JAKMIP3: variants seen among roughly 807,000 people sequenced by gnomAD.
JAKMIP3 encodes janus kinase and microtubule-interacting protein 3.
JAKMIP3 carries 58 observed loss-of-function variants against 118.5 expected under a neutral mutation model. That is an observed-to-expected ratio of 0.49 (90% confidence interval 0.40 to 0.61). The LOEUF is 0.61. Among genes scored for constraint, JAKMIP3 ranks in the 20% least tolerant of loss-of-function variants. The pLI is 0.00. For synonymous variants in JAKMIP3, 486 were observed against 451.2 expected, an observed-to-expected ratio of 1.08 and a Z score of -0.98; for missense variants, 950 against 1,109.0, an observed-to-expected ratio of 0.86 and a Z score of 2.04.
chr10:132,145,081 G>A (rs1416157944), intron 11 of JAKMIP3, 26 bp from the exon 12 acceptor site: 2 of 1,597,584 alleles, frequency 1.3e-6, no homozygotes, highest in Non-Finnish European at 1.7e-6. Flanking sequence ...GAGAAAATTT[G>A]ATGTATCTTT....
At chr10:132,072,346 A>T (rs1234726598) in intron 1 of JAKMIP3, among the ~76,000 whole-genome samples, 4 of 151,994 alleles carry the variant, frequency 2.6e-5, no homozygotes, top group Non-Finnish European at 5.9e-5. Context: ...GGAATTTGAG[A>T]CCAGCCTGGG....
At position 132,180,540 on chromosome 10, in the gene JAKMIP3, T is replaced by TGC. The variant is rs200994333; in HGVS notation, c.*1104-1816_*1104-1815insCG. 1.2e-3 allele frequency among the ~76,000 whole-genome samples: 38 copies of TGC among 32,696 alleles called. 8 individuals are homozygous for TGC. In the East Asian group the frequency reaches 0.022, roughly 19 times the overall value. The allele number at this position is 32,696 out of a possible 152,430, so 21.4% of individuals were successfully genotyped here. A position where few individuals can be genotyped will look rare whatever the true frequency, so the allele number is the denominator to read the frequency against. On this transcript the variant is annotated intron_variant, in intron 23 of 23. Coordinates refer to ENST00000684848, the MANE Select transcript of JAKMIP3 (RefSeq NM_001323087.2). ...AAGCAGAACTGTGTGTGTGTGTGTG[T>TGC]GTGTGCGTGCGTGCATGCGTGTGTG... is the stretch of plus-strand genomic sequence containing the variant.
Position 132,137,086 on chromosome 10 carries a change from G to C in JAKMIP3, c.1184G>C (p.Arg395Thr), listed in dbSNP as rs1016069275. 1.2e-6 allele frequency: 2 copies of C among 1,613,830 alleles called. No homozygotes were observed. Among genetic ancestry groups the C allele is most frequent in the African/African-American group, 2.7e-5 (2 of 74,920 alleles). Residue 395 changes from arginine (R) to threonine (T), a missense_variant, in exon 7 of 24, where the codon AGA (arginine) becomes ACA (threonine). Transcript: ENST00000684848. ...LNDLDQSQDE[R>T]EVDFLKLQIV... ...GACCTTGATCAAAGTCAGGATGAGA[G>C]AGAAGTCGATTTCTTGAAGCTTCAG...
rs767713577 is a variant in JAKMIP3, at chr10:132,163,303, A to G, written c.2315A>G (p.Lys772Arg). 9 of 1,607,138 alleles carry G rather than the reference A, an allele frequency of 5.6e-6. No homozygotes were observed. Among genetic ancestry groups the G allele is most frequent in the South Asian group, 1.1e-5 (1 of 89,486 alleles). ...CTGCTGTCAGAGGAGGAGCGCGAGAAGCTCAAGGTGGCCGTGGAGCAGTGG... is the reference window on the plus strand; with the variant it reads ...CTGCTGTCAGAGGAGGAGCGCGAGAGGCTCAAGGTGGCCGTGGAGCAGTGG... ...AELLSEEERE[K>R]LKVAVEQWKR... The change falls in exon 20 of 24, where the codon AAG becomes AGG. Residue 772 changes from lysine (K) to arginine (R), a missense_variant. Transcript: ENST00000684848.
chr10:132,149,562 C>G, intron 15 of JAKMIP3, 52 bp downstream of exon 15: 3 of 762,260 alleles, frequency 3.9e-6, no homozygotes, highest in Non-Finnish European at 5.8e-6. Flanking sequence ...CATCCCCCGC[C>G]CCACCCCCTC....
Position 132,115,889 on chromosome 10 carries a change from C to T in JAKMIP3, c.136-1188C>T, listed in dbSNP as rs561919727. The stretch of plus-strand genomic sequence containing the variant: ...CACTGGAGCCGTGAATATTTGGCGA[C>T]GTCATCAATGAAGTATGGCCGTGTC... On this transcript the variant is annotated intron_variant, in intron 2 of 23. Transcript: ENST00000684848. 1.9e-3 allele frequency among the ~76,000 whole-genome samples: 288 copies of T among 152,354 alleles called. 1 individual carries two copies. Among genetic ancestry groups the T allele is most frequent in the African/African-American group, 6.4e-3 (265 of 41,590 alleles).
chr10:132,040,892 T>C (rs2037722066), intron 1 of JAKMIP3, among the ~76,000 whole-genome samples: 1 of 152,180 alleles, frequency 6.6e-6, no homozygotes, highest in African/African-American at 2.4e-5. Flanking sequence ...ATTGTTGTGA[T>C]TTGACTATTT....
At chr10:132,037,345 T>G (rs1416458473) in intron 1 of JAKMIP3, among the ~76,000 whole-genome samples, 2 of 152,216 alleles carry the variant, frequency 1.3e-5, no homozygotes, top group East Asian at 3.9e-4. Context: ...CTGGCTGTTT[T>G]CTTGGTGAGG....
intron 19 of JAKMIP3, among the ~76,000 whole-genome samples, chr10:132,162,196 C>T (rs2058425790): frequency 6.6e-6 from 1 of 152,178 alleles, no homozygotes; most frequent in African/African-American, 2.4e-5. Context: ...CTCTTTATGG[C>T]AGGGGCTAGT....
intron 19 of JAKMIP3, among the ~76,000 whole-genome samples, chr10:132,159,605 TA>T (rs1407945882): frequency 9.2e-5 from 9 of 97,364 alleles, no homozygotes; most frequent in Non-Finnish European, 1.5e-4. Flanking sequence ...CATGTCTTCC[TA>T]TGTGATGCTG....
At chr10:132,095,207 C>T in intron 1 of JAKMIP3, among the ~76,000 whole-genome samples, 1 of 152,226 alleles carries the variant, frequency 6.6e-6, no homozygotes. Flanking sequence ...GAGTCTGTCA[C>T]TGGATTCACA....
chr10:132,098,131 C>T (rs1383152976), intron 1 of JAKMIP3, among the ~76,000 whole-genome samples: 1 of 151,436 alleles, frequency 6.6e-6, no homozygotes, highest in East Asian at 1.9e-4. Context: ...GACCTCCCAG[C>T]CCCAAGCGAT....
chr10:132,169,637 TG>T (rs1357115481), intron 23 of JAKMIP3, among the ~76,000 whole-genome samples: 3 of 152,040 alleles, frequency 2.0e-5, no homozygotes, highest in Non-Finnish European at 4.4e-5. Flanking sequence ...GGCAGCCCCA[TG>T]GGGGGCCGCC....
chr10:132,053,260 C>A (rs1318934003), intron 1 of JAKMIP3, among the ~76,000 whole-genome samples: 1 of 152,216 alleles, frequency 6.6e-6, no homozygotes, highest in African/African-American at 2.4e-5. Flanking sequence ...CTTCCTTTTC[C>A]TTTTCTTCTT....
At chr10:132,041,839 CCTTTCTTTTCTTTCTTTTTT>C (rs1277273597) in intron 1 of JAKMIP3, among the ~76,000 whole-genome samples, 2 of 152,024 alleles carry the variant, frequency 1.3e-5, no homozygotes, top group African/African-American at 2.4e-5. Context: ...TTCTTTCTAT[CCTTTCTTTTCTTTCTTTTTT>C]CTTTCTTTTC....
intron 20 of JAKMIP3, 118 bp from the exon 21 acceptor site, chr10:132,164,552 T>C: frequency 1.4e-6 from 1 of 701,518 alleles, no homozygotes; most frequent in Middle Eastern, 2.4e-4. Flanking sequence ...CCACGGGCCA[T>C]GGCCATGCCA....
rs1335632078 is a variant in JAKMIP3 at position 132,118,107 on chromosome 10, C to T, written c.633+533C>T. On this transcript the variant is annotated intron_variant, in intron 3 of 23. Coordinates refer to ENST00000684848, the MANE Select transcript of JAKMIP3 (RefSeq NM_001323087.2). The surrounding 1 kb of genome is among the most constrained non-coding windows in gnomAD (Gnocchi z 4.8). Reference sequence around the variant, plus strand: ...CAGGAGGCCCCGGGGGGTGGGATGGCCCCCAGCTGCCCTGAGGTCCCTGTC... The same window carrying T: ...CAGGAGGCCCCGGGGGGTGGGATGGTCCCCAGCTGCCCTGAGGTCCCTGTC... Among the ~76,000 whole-genome samples, 1 of 152,080 alleles carries T rather than the reference C, an allele frequency of 6.6e-6. No individual in the cohort carries two copies. Among genetic ancestry groups the T allele is most frequent in the African/African-American group, 2.4e-5 (1 of 41,398 alleles).
intron 22 of JAKMIP3, 82 bp from the exon 23 acceptor site, chr10:132,167,871 C>CCCCTCGG (rs2059108621): frequency 1.8e-6 from 2 of 1,091,204 alleles, no homozygotes; most frequent in African/African-American, 1.6e-5. Flanking sequence ...TCGGCCCTCG[C>CCCCTCGG]CCCTCGCCCC....
chr10:132,080,465 A>G (rs1311998440), intron 1 of JAKMIP3, among the ~76,000 whole-genome samples: 1 of 145,610 alleles, frequency 6.9e-6, no homozygotes, highest in African/African-American at 2.6e-5. Context: ...CCTAATTTTA[A>G]GATCAGATTA....
Sources: gnomAD v4.1 joint callset for allele counts (sites outside exome capture counted in the v4.1 genomes callset) on GRCh38, gnomAD v4.1.1 for gene constraint, Gnocchi (gnomAD v3.1) non-coding constraint, MANE v1.5 for transcripts, NCBI Gene and HGNC (gene_info 2026-07-23, HGNC 2026-07-21) for gene names.